The following CLPSL1 variants were observed in gnomAD, a reference collection of about 807,000 sequenced individuals.
CLPSL1 encodes the protein colipase-like protein 1.
In CLPSL1, 13 loss-of-function variants were observed where a neutral mutation model predicts 9.3. The ratio of observed to expected loss-of-function variants is 1.40; its 90% confidence interval spans 0.91 to 2.22. CLPSL1 has a LOEUF of 2.22. CLPSL1 is among the 30% of genes most tolerant of loss of function. The probability of loss-of-function intolerance (pLI) is 0.00; values close to 1 mark genes in which losing one functional copy is unlikely to be tolerated. For missense variants in CLPSL1, 164 were observed against 146.6 expected, an observed-to-expected ratio of 1.12 and a Z score of -0.61; for synonymous variants, 58 against 56.9, an observed-to-expected ratio of 1.02 and a Z score of -0.08.
downstream of CLPSL1, among the ~76,000 whole-genome samples, chr6:35,788,370 A>AC (rs150606828): frequency 1.3e-5 from 2 of 152,006 alleles, no homozygotes; most frequent in Non-Finnish European, 2.9e-5. Flanking sequence ...TCTGTAATCT[A>AC]CCCCCCGGAA....
At chr6:35,791,514 A>G (rs1768208834), downstream of CLPSL1, among the ~76,000 whole-genome samples, 2 of 152,122 alleles carry the variant, frequency 1.3e-5, no homozygotes, top group African/African-American at 4.8e-5. Flanking sequence ...AGGCTGAGGC[A>G]GGAGAATCAC....
chr6:35,781,310 C>G, intron 1 of CLPSL1, 101 bp downstream of exon 1: 1 of 1,472,994 alleles, frequency 6.8e-7, no homozygotes, highest in Non-Finnish European at 9.0e-7. Context: ...GGGAGAAGGC[C>G]AGAAGTGGGG....
chr6:35,781,077 T>A lies in CLPSL1; in HGVS notation c.-34T>A. 1 of 1,611,800 alleles carries A rather than the reference T, an allele frequency of 6.2e-7. No individual in the cohort carries two copies. Among genetic ancestry groups the A allele is most frequent in the Non-Finnish European group, 8.5e-7 (1 of 1,178,842 alleles). Reference sequence around the variant, plus strand: ...ATGGTCGGCGTGCAGGATATTTCGCTGGACCCTAGAAAAGCCACCACGACC... The same window carrying A: ...ATGGTCGGCGTGCAGGATATTTCGCAGGACCCTAGAAAAGCCACCACGACC... On this transcript the variant is annotated 5_prime_UTR_variant, in exon 1 of 3. Coordinates refer to ENST00000373861, the MANE Select transcript of CLPSL1 (RefSeq NM_001010886.5).
chr6:35,792,091 C>T (rs555425750), downstream of CLPSL1, among the ~76,000 whole-genome samples: 123 of 122,192 alleles, frequency 1.0e-3, no homozygotes, highest in African/African-American at 3.6e-3. Context: ...ATCTTCCCCC[C>T]GCCACAAAAA....
At chr6:35,783,957 T>C (rs1768020560) in intron 1 of CLPSL1, among the ~76,000 whole-genome samples, 1 of 152,196 alleles carries the variant, frequency 6.6e-6, no homozygotes, top group African/African-American at 2.4e-5. Context: ...CCAAAATATC[T>C]GAGACAGGTC....
chr6:35,791,743 C>G (rs1429044788), downstream of CLPSL1, among the ~76,000 whole-genome samples: 2 of 152,172 alleles, frequency 1.3e-5, no homozygotes, highest in Admixed American at 1.3e-4. Flanking sequence ...CCAGTGTGGG[C>G]ATCATGGTGA....
downstream of CLPSL1, among the ~76,000 whole-genome samples, chr6:35,790,683 G>T (rs1768169231): frequency 6.6e-6 from 1 of 152,270 alleles, no homozygotes; most frequent in Non-Finnish European, 1.5e-5. Context: ...TTCGTGACCT[G>T]ACTGTTTAGG....
chr6:35,788,691 G>GAAGA (rs1372833673), downstream of CLPSL1, among the ~76,000 whole-genome samples: 7 of 151,872 alleles, frequency 4.6e-5, no homozygotes, highest in African/African-American at 1.2e-4. Context: ...GACAAGAAAA[G>GAAGA]AAGGAAGGAA....
At chr6:35,792,057 C>A (rs930624247), downstream of CLPSL1, among the ~76,000 whole-genome samples, 2 of 149,526 alleles carry the variant, frequency 1.3e-5, no homozygotes, top group South Asian at 2.1e-4. Flanking sequence ...TTGCACTCCA[C>A]TCTGGGCAAC....
At chr6:35,789,612 G>A (rs934966320), downstream of CLPSL1, among the ~76,000 whole-genome samples, 3 of 152,268 alleles carry the variant, frequency 2.0e-5, no homozygotes, top group Non-Finnish European at 2.9e-5. Context: ...AAAAGCTCTG[G>A]ACCGAGCACG....
chr6:35,788,034 C>T lies in CLPSL1; in HGVS notation c.*24C>T. 1.9e-6 allele frequency: 3 copies of T among 1,572,976 alleles called. No individual in the cohort carries two copies. Among genetic ancestry groups the T allele is most frequent in the Non-Finnish European group, 2.6e-6 (3 of 1,143,640 alleles). ...AGTGCTCCCTCCTTCTTGCTGCCTC[C>T]TCCTCCTCCACCTGCTCTCCTCCCT... On this transcript the variant is annotated 3_prime_UTR_variant, in exon 3 of 3. Transcript: ENST00000373861.
At chr6:35,784,097 T>C (rs1433929859) in intron 1 of CLPSL1, among the ~76,000 whole-genome samples, 1 of 152,062 alleles carries the variant, frequency 6.6e-6, no homozygotes, top group Non-Finnish European at 1.5e-5. Context: ...TTTATACACA[T>C]TGGGGAGACA....
In CLPSL1 at chr6:35,786,266, A is replaced by G. The variant is rs116955089; in HGVS notation, c.100-732A>G. 2.8e-3 allele frequency among the ~76,000 whole-genome samples: 426 copies of G among 152,316 alleles called. 21 individuals carry two copies. In the East Asian group the frequency reaches 0.073, roughly 26 times the overall value. On this transcript the variant is annotated intron_variant, in intron 1 of 2. Coordinates refer to ENST00000373861, the MANE Select transcript of CLPSL1 (RefSeq NM_001010886.5). ...AGACTCCATCTCAAAAAAAAGAAGA[A>G]AAGAAAATTTAAATTCAGCTCCTCA...
At chr6:35,791,832 C>T (rs1395052046), downstream of CLPSL1, among the ~76,000 whole-genome samples, 2 of 151,972 alleles carry the variant, frequency 1.3e-5, no homozygotes, top group Admixed American at 6.6e-5. Context: ...CTTTCGGAGG[C>T]CTAGGTGGGC....
rs1196175465 is a variant in CLPSL1 at position 35,788,140 on chromosome 6, C to T, written c.*130C>T. The T allele has an allele frequency of 1.9e-6, 1 of 527,098 alleles. No individual in the cohort carries two copies. Among genetic ancestry groups the T allele is most frequent in the Non-Finnish European group, 3.5e-6 (1 of 288,532 alleles). The allele number at this position is 527,098 out of a possible 1,614,324, so 32.7% of individuals were successfully genotyped here. Reference sequence around the variant, plus strand: ...AGTGGGGAGTGATTGAAATAAAGAGCTTTTTCAATGTTTGCTGCCCACAGA... The same window carrying T: ...AGTGGGGAGTGATTGAAATAAAGAGTTTTTTCAATGTTTGCTGCCCACAGA... On this transcript the variant is annotated 3_prime_UTR_variant, in exon 3 of 3. Coordinates refer to ENST00000373861, the MANE Select transcript of CLPSL1 (RefSeq NM_001010886.5).
downstream of CLPSL1, among the ~76,000 whole-genome samples, chr6:35,794,038 C>T (rs1174551263): frequency 5.3e-5 from 8 of 152,236 alleles, no homozygotes; most frequent in East Asian, 7.7e-4. Flanking sequence ...ATCATAAGGC[C>T]GGGCACGGTG....
chr6:35,785,270 C>T (rs1262608970), intron 1 of CLPSL1, among the ~76,000 whole-genome samples: 13 of 151,448 alleles, frequency 8.6e-5, no homozygotes, highest in African/African-American at 1.9e-4. Context: ...CTCCACCTCC[C>T]GGGTTCACGC....
At chr6:35,781,482 C>A (rs1423665313) in intron 1 of CLPSL1, among the ~76,000 whole-genome samples, 1 of 152,146 alleles carries the variant, frequency 6.6e-6, no homozygotes, top group Non-Finnish European at 1.5e-5. Flanking sequence ...GATATTCACT[C>A]ATGCAACACA....
chr6:35,786,201 G>A lies in CLPSL1; in HGVS notation c.100-797G>A, dbSNP rs1252178336. ...CAGGAGGTGGATGTTGCAGTGAGCC[G>A]AAATCACGCCACTGCATACCAGCCT... On this transcript the variant is annotated intron_variant, in intron 1 of 2. Transcript: ENST00000373861. 2.6e-5 allele frequency among the ~76,000 whole-genome samples: 4 copies of A among 152,100 alleles called. No homozygotes were observed. In the East Asian group the frequency reaches 7.7e-4, roughly 29 times the overall value.
Sources: allele counts gnomAD v4.1 joint callset (sites outside exome capture counted in the v4.1 genomes callset), GRCh38; gene constraint gnomAD v4.1.1; transcripts MANE v1.5; gene names NCBI Gene and HGNC (gene_info 2026-07-23, HGNC 2026-07-21).